Variants in MAP2K1 observed in about 807,000 individuals in gnomAD.
MAP2K1 encodes the protein dual specificity mitogen-activated protein kinase kinase 1.
A neutral mutation model predicts 46.3 loss-of-function variants in MAP2K1; 16 were observed. That is an observed-to-expected ratio of 0.35 (90% CI 0.23 to 0.52). MAP2K1 has a LOEUF of 0.52. Among genes scored for constraint, MAP2K1 ranks in the 20% least tolerant of loss-of-function variants. The pLI, the probability that MAP2K1 is intolerant of heterozygous loss-of-function variation, is 0.94. For missense variants in MAP2K1, 263 were observed against 497.1 expected (o/e 0.53, Z 4.48); for synonymous variants, 183 against 185.6 (o/e 0.99, Z 0.11).
chr15:66,436,003 C>T (rs2093487104), intron 2 of MAP2K1, among the ~76,000 whole-genome samples: 1 of 152,182 alleles, frequency 6.6e-6, no homozygotes, highest in African/African-American at 2.4e-5. Flanking sequence ...GGAATACAGC[C>T]CCTTGCTCCA....
chr15:66,489,661 A>T (rs1341650718), intron 9 of MAP2K1, 57 bp from the exon 10 acceptor site: 1 of 1,321,144 alleles, frequency 7.6e-7, no homozygotes, highest in East Asian at 2.3e-5. Context: ...CAAACATGTT[A>T]TTTGAGCTAG....
chr15:66,387,483 G>A (rs1481293000), intron 1 of MAP2K1, 56 bp downstream of exon 1: 9 of 1,509,762 alleles, frequency 6.0e-6, no homozygotes, highest in South Asian at 1.2e-5. Context: ...CCCGAGCCGG[G>A]GAGCAGGAGC....
chr15:66,424,744 T>C (rs2093452680), intron 1 of MAP2K1, among the ~76,000 whole-genome samples: 1 of 151,772 alleles, frequency 6.6e-6, no homozygotes, highest in African/African-American at 2.4e-5. Flanking sequence ...GGTTCTTGGC[T>C]TGAAGTAGAG....
intron 1 of MAP2K1, among the ~76,000 whole-genome samples, chr15:66,425,830 G>C (rs550771689): frequency 6.6e-6 from 1 of 152,294 alleles, no homozygotes; most frequent in African/African-American, 2.4e-5. Flanking sequence ...CACCTTGCAG[G>C]GGGGAAGAAA....
At chr15:66,487,119 ATTGTCCATGAC>A (rs1893059974) in intron 7 of MAP2K1, 98 bp from the exon 8 acceptor site, 2 of 879,134 alleles carry the variant, frequency 2.3e-6, no homozygotes, top group African/African-American at 3.3e-5. Flanking sequence ...TTTAATGTTT[ATTGTCCATGAC>A]CCTGTTCTGG....
chr15:66,410,817 G>C (rs927515726), intron 1 of MAP2K1, among the ~76,000 whole-genome samples: 1 of 152,182 alleles, frequency 6.6e-6, no homozygotes, highest in Non-Finnish European at 1.5e-5. Context: ...AACTACTCAG[G>C]AGACAGATCA....
intron 1 of MAP2K1, among the ~76,000 whole-genome samples, chr15:66,423,872 G>A (rs1483181510): frequency 5.9e-5 from 9 of 152,008 alleles, no homozygotes; most frequent in Non-Finnish European, 1.0e-4. Flanking sequence ...CTCCCAAAGT[G>A]CTGGGATTAC....
intron 1 of MAP2K1, among the ~76,000 whole-genome samples, chr15:66,392,254 G>GTTTTT (rs374203054): frequency 0.085 from 6,742 of 79,264 alleles, 729 homozygotes; most frequent in East Asian, 0.34. Flanking sequence ...GTTTTTTTTG[G>GTTTTT]GTTTTTTTTT....
chr15:66,402,334 T>C (rs1014650888), intron 1 of MAP2K1, among the ~76,000 whole-genome samples: 1 of 152,224 alleles, frequency 6.6e-6, no homozygotes, highest in Admixed American at 6.5e-5. Context: ...TATGTCTAAG[T>C]TAATTTTTCT....
chr15:66,454,612 C>A (rs933664920), intron 5 of MAP2K1, among the ~76,000 whole-genome samples: 1 of 152,070 alleles, frequency 6.6e-6, no homozygotes, highest in Non-Finnish European at 1.5e-5. Context: ...TGGCTGGGAG[C>A]GGTGGCTCAT....
intron 5 of MAP2K1, among the ~76,000 whole-genome samples, chr15:66,448,121 C>G (rs1299078031): frequency 7.2e-6 from 1 of 138,132 alleles, no homozygotes; most frequent in African/African-American, 2.7e-5. Flanking sequence ...CCACTGCACT[C>G]CAGCCTGGGC....
Position 66,399,838 on chromosome 15 carries a change from G to T in MAP2K1, c.80+12411G>T, listed in dbSNP as rs145868602. ...TCTGGAACTCTTGACCTCGTGATCC[G>T]CCCACCTCAGCCTCCCAAAGTGCTG... On this transcript the variant is annotated intron_variant, in intron 1 of 10. Transcript: ENST00000307102. Among the ~76,000 whole-genome samples, 644 of 152,012 alleles carry T rather than the reference G, an allele frequency of 4.2e-3. 7 individuals carry two copies. The highest frequency in any genetic ancestry group is 0.015 in the African/African-American group (614 of 41,464).
intron 5 of MAP2K1, among the ~76,000 whole-genome samples, chr15:66,465,432 G>A (rs1157051403): frequency 6.6e-6 from 1 of 152,160 alleles, no homozygotes; most frequent in African/African-American, 2.4e-5. Context: ...AACAGAACAG[G>A]ACAGGGATTT....
rs1893255556 is a variant in MAP2K1 at position 66,491,474 on chromosome 15, A to G, written c.*859A>G. 4.7e-6 allele frequency: 1 copy of G among 214,920 alleles called. No individual in the cohort carries two copies. The highest frequency in any genetic ancestry group is 5.8e-5 in the Admixed American group (1 of 17,206). The allele number at this position is 214,920 out of a possible 1,614,324, so 13.3% of individuals were successfully genotyped here. ...AAAATCCTTTTAACCATTTTAACCT[A>G]GATGTTTAACAAATCTAATCTCTTA... On this transcript the variant is annotated 3_prime_UTR_variant, in exon 11 of 11. Transcript: ENST00000307102.
chr15:66,410,471 A>G (rs777742857), intron 1 of MAP2K1, among the ~76,000 whole-genome samples: 8 of 152,074 alleles, frequency 5.3e-5, no homozygotes, highest in Admixed American at 2.0e-4. Flanking sequence ...AAAATAGTTA[A>G]TTTTTCTCTT....
At chr15:66,477,913 C>T (rs1892795740) in intron 5 of MAP2K1, among the ~76,000 whole-genome samples, 3 of 152,106 alleles carry the variant, frequency 2.0e-5, no homozygotes, top group Non-Finnish European at 2.9e-5. Flanking sequence ...ACCTGACCTC[C>T]AGGGGCCAGG....
At chr15:66,413,247 C>G (rs750368535) in intron 1 of MAP2K1, among the ~76,000 whole-genome samples, 6 of 152,146 alleles carry the variant, frequency 3.9e-5, no homozygotes, top group Non-Finnish European at 8.8e-5. Context: ...TTACTGAACC[C>G]TAAATATCCT....
At chr15:66,393,693 G>T (rs1161286140) in intron 1 of MAP2K1, among the ~76,000 whole-genome samples, 1 of 152,186 alleles carries the variant, frequency 6.6e-6, no homozygotes, top group Non-Finnish European at 1.5e-5. Context: ...TTTTCTTCCA[G>T]TGTTCTCTTC....
At chr15:66,413,631 T>G (rs893598564) in intron 1 of MAP2K1, among the ~76,000 whole-genome samples, 1 of 152,214 alleles carries the variant, frequency 6.6e-6, no homozygotes, top group Admixed American at 6.5e-5. Context: ...GGCATTTTTT[T>G]TTTTCTTTTG....
Sources: gnomAD v4.1 joint callset for allele counts (sites outside exome capture counted in the v4.1 genomes callset) on GRCh38, gnomAD v4.1.1 for gene constraint, MANE v1.5 for transcripts, NCBI Gene and HGNC (gene_info 2026-07-23, HGNC 2026-07-21) for gene names.